Variants in CHD8 observed in about 807,000 individuals in gnomAD.
CHD8 encodes chromodomain helicase DNA binding protein 8.
In CHD8, 31 loss-of-function variants were observed where a neutral mutation model predicts 279.2. The observed-to-expected ratio is 0.11, with a 90% CI of 0.08 to 0.15. The LOEUF (loss-of-function observed/expected upper bound fraction) is 0.15, where lower values mean the gene tolerates loss of function less well. Ranked by LOEUF, CHD8 falls within the 10% of genes least tolerant of loss-of-function variation. The pLI is 1.00. For missense variants in CHD8, 2,146 were observed against 3,230.5 expected (o/e 0.66, Z 8.14); for synonymous variants, 1,081 against 1,139.6 (o/e 0.95, Z 1.04).
Position 21,399,714 on chromosome 14 carries a change from A to T in CHD8, c.4818-9T>A. 1 of 1,566,292 alleles carries T rather than the reference A, an allele frequency of 6.4e-7. No homozygotes were observed. The highest frequency in any genetic ancestry group is 8.8e-7 in the Non-Finnish European group (1 of 1,136,518). On this transcript the variant is annotated splice_polypyrimidine_tract_variant and intron_variant, in intron 25 of 37. Coordinates refer to ENST00000646647, the MANE Select transcript of CHD8 (RefSeq NM_001170629.2). ...ACCATATGTCAATCTCACTAAAGGT[A>T]TAAGAGGGCAGAGTCAGCACAGAAA...
At chr14:21,429,566 A>C in intron 2 of CHD8, 1 of 648,160 alleles carries the variant, frequency 1.5e-6, no homozygotes, top group Non-Finnish European at 2.9e-6. Context: ...CACAGGCACA[A>C]CACTACTGCT....
At chr14:21,386,469 C>A (rs915648031) in intron 37 of CHD8, 2 of 418,928 alleles carry the variant, frequency 4.8e-6, no homozygotes, top group Non-Finnish European at 8.6e-6. Flanking sequence ...TTACTTTAGT[C>A]AACCATTTCA....
chr14:21,418,053 T>C (rs2139505895), intron 5 of CHD8, among the ~76,000 whole-genome samples: 1 of 151,970 alleles, frequency 6.6e-6, no homozygotes, highest in South Asian at 2.1e-4. Context: ...CGTTTGTATA[T>C]TCATAAAGTC....
chr14:21,388,249 T>C (rs961999679), intron 37 of CHD8, among the ~76,000 whole-genome samples: 2 of 152,234 alleles, frequency 1.3e-5, no homozygotes, highest in African/African-American at 4.8e-5. Context: ...CACATAAATA[T>C]ATGTGTATGC....
At chr14:21,443,374 G>C (rs1241290137) in intron 1 of CHD8, among the ~76,000 whole-genome samples, 1 of 151,968 alleles carries the variant, frequency 6.6e-6, no homozygotes, top group Non-Finnish European at 1.5e-5. Context: ...CTGGGTGACA[G>C]ACTGAAAAGC....
chr14:21,408,888 G>C lies in CHD8; in HGVS notation c.2365-63C>G, dbSNP rs1355056606. On this transcript the variant is annotated intron_variant, in intron 11 of 37. Coordinates refer to ENST00000646647, the MANE Select transcript of CHD8 (RefSeq NM_001170629.2). The surrounding 1 kb of genome is among the most constrained non-coding windows in gnomAD (Gnocchi z 4.3). The stretch of plus-strand genomic sequence containing the variant: ...ATTATCAAAAGGTAAGACTTACTAG[G>C]TAAGTTCTAATAGTTAAAATCAATT... 3.3e-6 allele frequency: 5 copies of C among 1,515,944 alleles called. No homozygotes were observed. In the African/African-American group the frequency reaches 6.9e-5, roughly 21 times the overall value. 93.9% of individuals were successfully genotyped at this position (1,515,944 alleles called of 1,614,324 possible).
chr14:21,402,175 GAAT>G lies in CHD8; in HGVS notation c.3883-42_3883-40del, dbSNP rs781518399. Reference sequence around the variant, plus strand: ...TAGAAAGATGAAAAGACTATCAAGAGAATAATATCTAACCATGCCATAATATTT... The same window carrying G: ...TAGAAAGATGAAAAGACTATCAAGAGAATATCTAACCATGCCATAATATTT... On this transcript the variant is annotated intron_variant, in intron 19 of 37. Transcript: ENST00000646647. This position sits in a 1 kb window ranked among gnomAD's most constrained non-coding sequence, Gnocchi z 4.5. 1 of 1,510,268 alleles carries G rather than the reference GAAT, an allele frequency of 6.6e-7. No homozygotes were observed. Among genetic ancestry groups the G allele is most frequent in the South Asian group, 1.2e-5 (1 of 82,554 alleles). The allele number at this position is 1,510,268 out of a possible 1,614,324, so 93.6% of individuals were successfully genotyped here.
intron 1 of CHD8, among the ~76,000 whole-genome samples, chr14:21,455,346 T>G (rs1890361842): frequency 6.6e-6 from 1 of 152,186 alleles, no homozygotes; most frequent in African/African-American, 2.4e-5. Flanking sequence ...GTAAATAAAC[T>G]GCATTCGTTC....
chr14:21,385,699 A>C lies in CHD8; in HGVS notation c.7660T>G (p.Tyr2554Asp). Residue 2554 changes from tyrosine (Y) to aspartate (D), a missense_variant, in exon 38 of 38, where the codon TAT (tyrosine) becomes GAT (aspartate). Coordinates refer to ENST00000646647, the MANE Select transcript of CHD8 (RefSeq NM_001170629.2). ...GAGAAGTCCCTTTCTGAGCTATCAT[A>C]GCCCTGAGATAAGTCATCATCATCT... ...EEDDDDLSQG[Y>D]DSSERDFSLI... 1.3e-6 allele frequency: 2 copies of C among 1,551,928 alleles called. No homozygotes were observed. The highest frequency in any genetic ancestry group is 2.7e-5 in the African/African-American group (2 of 73,142).
At chr14:21,401,722 C>T (rs1031879711) in intron 20 of CHD8, 25 of 579,504 alleles carry the variant, frequency 4.3e-5, no homozygotes, top group Admixed American at 1.0e-4. Flanking sequence ...GTAGCTGGGA[C>T]GACAGGCGCA....
intron 5 of CHD8, chr14:21,419,606 G>A (rs372919323): frequency 2.3e-5 from 4 of 176,916 alleles, no homozygotes; most frequent in East Asian, 3.5e-4. Context: ...CCTGGGTGCC[G>A]TACACTGGAG....
rs1441973590 is a variant in CHD8 at position 21,431,560 on chromosome 14, G to A, written c.84C>T (p.Val28=). The A allele has an allele frequency of 1.3e-6, 2 of 1,537,170 alleles. No homozygotes were observed. The highest frequency in any genetic ancestry group is 8.7e-7 in the Non-Finnish European group (1 of 1,146,886). ...DSLTDDSFNQ[V]TQDPIEEALG... is the part of the protein sequence containing the mutation. Reference sequence around the variant, plus strand: ...GGGCTTCCTCAATGGGGTCTTGTGTGACCTGGTTAAAGCTGTCATCAGTCA... The same window carrying A: ...GGGCTTCCTCAATGGGGTCTTGTGTAACCTGGTTAAAGCTGTCATCAGTCA... Residue 28 remains valine, a synonymous_variant, in exon 2 of 38, where the codon GTC becomes GTT. Transcript: ENST00000646647.
In CHD8 at chr14:21,390,940, C is replaced by T; in HGVS notation, c.7182+7G>A. 6.8e-7 allele frequency: 1 copy of T among 1,462,196 alleles called. No individual in the cohort carries two copies. Among genetic ancestry groups the T allele is most frequent in the Non-Finnish European group, 9.5e-7 (1 of 1,051,694 alleles). 90.6% of individuals were successfully genotyped at this position (1,462,196 alleles called of 1,614,324 possible). ...GAATAGAGTGGTAATGCTGCAATTT[C>T]TCTCACCTTTTTCCCATTTCTAGAG... On this transcript the variant is annotated splice_region_variant and intron_variant, in intron 37 of 37. Coordinates refer to ENST00000646647, the MANE Select transcript of CHD8 (RefSeq NM_001170629.2).
In CHD8 at chr14:21,385,535, C is replaced by A; in HGVS notation, c.*78G>T. 1 of 1,464,842 alleles carries A rather than the reference C, an allele frequency of 6.8e-7. No individual in the cohort carries two copies. Among genetic ancestry groups the A allele is most frequent in the Non-Finnish European group, 9.0e-7 (1 of 1,109,650 alleles). 90.7% of individuals were successfully genotyped at this position (1,464,842 alleles called of 1,614,324 possible). A position where few individuals can be genotyped will look rare whatever the true frequency, so the allele number is the denominator to read the frequency against. On this transcript the variant is annotated 3_prime_UTR_variant, in exon 38 of 38. Transcript: ENST00000646647. ...ACTTCCCCACATCTCCCCTGCCCCT[C>A]CCACGTTTCCATAGTCCAAGGGCCA...
At chr14:21,386,413 A>C (rs1027909396) in intron 37 of CHD8, 10 of 559,016 alleles carry the variant, frequency 1.8e-5, no homozygotes, top group African/African-American at 1.5e-4. Context: ...ACCGAAACTC[A>C]TATTAACCAG....
chr14:21,436,958 T>G, intron 1 of CHD8: 2 of 1,286,580 alleles, frequency 1.6e-6, no homozygotes, highest in Non-Finnish European at 1.0e-6. Context: ...GCGGAAGATT[T>G]CTGGTAACTG....
intron 5 of CHD8, among the ~76,000 whole-genome samples, chr14:21,417,803 G>A (rs11621438): frequency 0.15 from 22,583 of 146,746 alleles, 2,232 homozygotes; most frequent in South Asian, 0.22. Flanking sequence ...GCAGTGAGCC[G>A]AGATCGCGCC....
Position 21,409,842 on chromosome 14 carries a change from T to C in CHD8, c.2364+9A>G. 2 of 1,611,614 alleles carry C rather than the reference T, an allele frequency of 1.2e-6. No homozygotes were observed. The highest frequency in any genetic ancestry group is 1.7e-6 in the Non-Finnish European group (2 of 1,178,852). On this transcript the variant is annotated intron_variant, in intron 11 of 37. Transcript: ENST00000646647. ...GTAGGCCTTTATACTTTAATGCAAA[T>C]GTACTTACCACCCTTTTGAGTTCTG...
Position 21,405,146 on chromosome 14 carries a change from AATC to A in CHD8, c.3307+60_3307+62del, listed in dbSNP as rs543928228. 1 of 1,540,636 alleles carries A rather than the reference AATC, an allele frequency of 6.5e-7. No homozygotes were observed. The highest frequency in any genetic ancestry group is 8.9e-7 in the Non-Finnish European group (1 of 1,123,572). On this transcript the variant is annotated intron_variant, in intron 16 of 37. Transcript: ENST00000646647. The surrounding 1 kb of genome is among the most constrained non-coding windows in gnomAD (Gnocchi z 4.2). Reference sequence around the variant, plus strand: ...CAATGCATCCATTGTCCCCAAGGAGAATCATCCGGAAAGTAAACACAGGTACTA... The same window carrying A: ...CAATGCATCCATTGTCCCCAAGGAGAATCCGGAAAGTAAACACAGGTACTA...
Sources: gnomAD v4.1 joint callset for allele counts (sites outside exome capture counted in the v4.1 genomes callset) on GRCh38, gnomAD v4.1.1 for gene constraint, Gnocchi (gnomAD v3.1) non-coding constraint, MANE v1.5 for transcripts, NCBI Gene and HGNC (gene_info 2026-07-23, HGNC 2026-07-21) for gene names.